TTC6: variants seen among roughly 807,000 people sequenced by gnomAD.
TTC6 encodes the protein tetratricopeptide repeat protein 6.
Under a neutral mutation model 210.4 loss-of-function variants are expected in TTC6, and 172 were observed. That is an observed-to-expected ratio of 0.82 (90% CI 0.72 to 0.93). TTC6 has a LOEUF of 0.93. Ranked by LOEUF, TTC6 falls within the 40% of genes least tolerant of loss-of-function variation. The pLI, the probability that TTC6 is intolerant of heterozygous loss-of-function variation, is 0.00. For missense variants in TTC6, 2,414 were observed against 2,318.1 expected, an observed-to-expected ratio of 1.04 and a Z score of -0.85; for synonymous variants, 804 against 819.6, an observed-to-expected ratio of 0.98 and a Z score of 0.32.
intron 6 of TTC6, among the ~76,000 whole-genome samples, chr14:37,717,331 G>A (rs767303084): frequency 1.4e-4 from 22 of 151,828 alleles, no homozygotes; most frequent in Non-Finnish European, 2.1e-4. Context: ...AAAAAGAAAA[G>A]CCATAAATTA....
At chr14:37,639,687 A>G (rs1047503606) in intron 1 of TTC6, among the ~76,000 whole-genome samples, 18 of 149,094 alleles carry the variant, frequency 1.2e-4, no homozygotes, top group Non-Finnish European at 1.8e-4. Flanking sequence ...CCTGGGCAAC[A>G]TGGCTAAATT....
intron 29 of TTC6, among the ~76,000 whole-genome samples, chr14:37,836,904 C>T (rs2096199176): frequency 6.6e-6 from 1 of 152,072 alleles, no homozygotes; most frequent in Admixed American, 6.6e-5. Context: ...TAATGATAAC[C>T]ACTTAATGTG....
At chr14:37,808,706 C>T in intron 23 of TTC6, 27 bp from the exon 26 acceptor site, 2 of 1,152,272 alleles carry the variant, frequency 1.7e-6, no homozygotes, top group African/African-American at 1.6e-5. Context: ...ATTTTCCTTT[C>T]TCACATAATT....
At chr14:37,723,844 T>G (rs2095866480) in intron 6 of TTC6, among the ~76,000 whole-genome samples, 1 of 152,144 alleles carries the variant, frequency 6.6e-6, no homozygotes, top group African/African-American at 2.4e-5. Flanking sequence ...TCCTAAATGA[T>G]TTTAAAAAAT....
chr14:37,831,271 A>T (rs2096184402), intron 29 of TTC6, among the ~76,000 whole-genome samples: 1 of 152,106 alleles, frequency 6.6e-6, no homozygotes, highest in African/African-American at 2.4e-5. Context: ...CTTTTTAATG[A>T]CACAATAGTA....
At chr14:37,788,981 C>G (rs1318744368) in intron 15 of TTC6, among the ~76,000 whole-genome samples, 1 of 152,068 alleles carries the variant, frequency 6.6e-6, no homozygotes, top group African/African-American at 2.4e-5. Flanking sequence ...GCCCTCCTCT[C>G]CCCACTTCTA....
chr14:37,838,760 C>T (rs1205584627), intron 29 of TTC6, among the ~76,000 whole-genome samples: 1 of 152,068 alleles, frequency 6.6e-6, no homozygotes, highest in African/African-American at 2.4e-5. Flanking sequence ...TGTAAATGTG[C>T]CATGTGGGTT....
intron 8 of TTC6, among the ~76,000 whole-genome samples, 153 bp from the exon 11 acceptor site, chr14:37,737,507 A>C (rs2095905049): frequency 6.6e-6 from 1 of 152,158 alleles, no homozygotes; most frequent in Admixed American, 6.5e-5. Flanking sequence ...CCTCTATATA[A>C]AGTCAGTGAC....
intron 7 of TTC6, among the ~76,000 whole-genome samples, chr14:37,733,991 G>GT: frequency 6.6e-6 from 1 of 152,048 alleles, no homozygotes; most frequent in Middle Eastern, 3.4e-3. Context: ...AATCTGTTAT[G>GT]TTATGGTGTT....
chr14:37,658,309 C>G (rs1385204584), intron 1 of TTC6, among the ~76,000 whole-genome samples: 1 of 152,204 alleles, frequency 6.6e-6, no homozygotes, highest in Non-Finnish European at 1.5e-5. Context: ...TTTGCCAACA[C>G]TTATTTACAT....
rs558863888 is a variant in TTC6 at position 37,826,496 on chromosome 14, G to A, written c.5127+149G>A. The A allele has an allele frequency of 2.4e-5, 18 of 740,130 alleles. No individual in the cohort carries two copies. In the East Asian group the frequency reaches 3.9e-4, roughly 16 times the overall value. 45.8% of individuals were successfully genotyped at this position (740,130 alleles called of 1,614,324 possible). On this transcript the variant is annotated intron_variant, in intron 28 of 30. Coordinates refer to ENST00000553443, the Ensembl canonical transcript of TTC6. ...TTTTTTTAACCCAAGTGATCCCTAG[G>A]GTAAAGAGTTATGGCTTGCCAATTT...
At chr14:37,752,517 AT>A (rs11421266) in intron 13 of TTC6, among the ~76,000 whole-genome samples, 33 of 148,164 alleles carry the variant, frequency 2.2e-4, no homozygotes, top group African/African-American at 7.9e-4. Flanking sequence ...AATCTTTAGG[AT>A]TTTTTTTTTT....
At chr14:37,701,867 T>TA (rs1018754374) in intron 5 of TTC6, among the ~76,000 whole-genome samples, 1 of 152,158 alleles carries the variant, frequency 6.6e-6, no homozygotes, top group African/African-American at 2.4e-5. Flanking sequence ...ATAGACAATT[T>TA]AAAAAATCAC....
chr14:37,795,388 C>G, intron 18 of TTC6, 36 bp downstream of exon 20: 1 of 1,385,716 alleles, frequency 7.2e-7, no homozygotes, highest in Non-Finnish European at 9.7e-7. Context: ...CTTGGGATAA[C>G]TTAGCATCAG....
intron 5 of TTC6, among the ~76,000 whole-genome samples, chr14:37,713,259 C>T (rs1025798439): frequency 6.6e-6 from 1 of 152,198 alleles, no homozygotes; most frequent in African/African-American, 2.4e-5. Context: ...ACATTAGAAC[C>T]TTCTGCCTTC....
At chr14:37,752,352 A>T (rs561675669) in intron 13 of TTC6, among the ~76,000 whole-genome samples, 1 of 151,942 alleles carries the variant, frequency 6.6e-6, no homozygotes, top group Non-Finnish European at 1.5e-5. Context: ...GCTTGAGGAG[A>T]ATATTATATA....
At chr14:37,748,851 G>A in intron 10 of TTC6, 88 bp from the exon 13 acceptor site, 2 of 1,016,158 alleles carry the variant, frequency 2.0e-6, no homozygotes, top group Non-Finnish European at 2.7e-6. Flanking sequence ...ATAACAAATA[G>A]TAGTTTTATG....
chr14:37,626,666 T>C (rs1235296625), intron 1 of TTC6, among the ~76,000 whole-genome samples: 1 of 152,196 alleles, frequency 6.6e-6, no homozygotes, highest in African/African-American at 2.4e-5. Flanking sequence ...TCTCTGACTT[T>C]TCTTTTTGCC....
At chr14:37,608,352 G>A (rs1213788744) in intron 2 of TTC6, among the ~76,000 whole-genome samples, 2 of 151,860 alleles carry the variant, frequency 1.3e-5, no homozygotes, top group African/African-American at 2.4e-5. Context: ...TTGTGGCACC[G>A]AGGCTGGAGT....
Sources: gnomAD v4.1 joint callset for allele counts (sites outside exome capture counted in the v4.1 genomes callset) on GRCh38, gnomAD v4.1.1 for gene constraint, MANE v1.5 for transcripts, NCBI Gene and HGNC (gene_info 2026-07-23, HGNC 2026-07-21) for gene names.